METTL15: variants seen among roughly 807,000 people sequenced by gnomAD.
The protein encoded by METTL15 is 12S rRNA N(4)-cytidine methyltransferase METTL15.
Under a neutral mutation model 38.3 loss-of-function variants are expected in METTL15, and 34 were observed. The ratio of observed to expected loss-of-function variants is 0.89; its 90% confidence interval spans 0.68 to 1.18. METTL15 has a LOEUF of 1.18. Ranked by LOEUF, METTL15 falls within the 50% of genes most tolerant of loss-of-function variation. The probability of loss-of-function intolerance (pLI) is 0.00; values close to 1 mark genes in which losing one functional copy is unlikely to be tolerated. For synonymous variants in METTL15, 162 were observed against 170.9 expected (o/e 0.95, Z 0.41); for missense variants, 438 against 498.4 (o/e 0.88, Z 1.15).
Position 28,522,266 on chromosome 11 carries a change from G to A in METTL15, c.*425-4212G>A, listed in dbSNP as rs539191581. Among the ~76,000 whole-genome samples, 7 of 152,294 alleles carry A rather than the reference G, an allele frequency of 4.6e-5. No individual in the cohort carries two copies. In the South Asian group the frequency reaches 1.4e-3, roughly 32 times the overall value. On this transcript the variant is annotated intron_variant and NMD_transcript_variant, in intron 6 of 7. Coordinates refer to the METTL15 transcript ENST00000532947. Reference sequence around the variant, plus strand: ...ATAATCCAGAAAAACTGAACCGGTGGGATGTATGTATACAGTATATAGAAA... The same window carrying A: ...ATAATCCAGAAAAACTGAACCGGTGAGATGTATGTATACAGTATATAGAAA...
chr11:28,401,548 T>C (rs917384786), intron 5 of METTL15, among the ~76,000 whole-genome samples: 1 of 151,962 alleles, frequency 6.6e-6, no homozygotes, highest in Non-Finnish European at 1.5e-5. Flanking sequence ...ACTTTTTTAA[T>C]CCTTCTTCTT....
chr11:28,495,398 T>C (rs1010132967), intron 6 of METTL15, among the ~76,000 whole-genome samples: 9 of 152,120 alleles, frequency 5.9e-5, no homozygotes, highest in African/African-American at 2.2e-4. Flanking sequence ...CAGACTAGAT[T>C]TGATCTTCAA....
chr11:28,133,329 G>A (rs987355448), intron 3 of METTL15, among the ~76,000 whole-genome samples: 1 of 152,144 alleles, frequency 6.6e-6, no homozygotes, highest in East Asian at 1.9e-4. Flanking sequence ...GCTATGACTC[G>A]TGTTAAAAAC....
At chr11:28,262,298 T>G (rs1855236346) in intron 4 of METTL15, among the ~76,000 whole-genome samples, 1 of 151,304 alleles carries the variant, frequency 6.6e-6, no homozygotes. Context: ...TATATGTATA[T>G]ATACATATAT....
intron 5 of METTL15, among the ~76,000 whole-genome samples, chr11:28,407,054 A>G (rs908032671): frequency 2.0e-5 from 3 of 152,158 alleles, no homozygotes; most frequent in African/African-American, 7.2e-5. Flanking sequence ...CGTGGTCGAT[A>G]AGCTTTTGAT....
At chr11:28,247,934 C>T (rs1352877008) in intron 4 of METTL15, among the ~76,000 whole-genome samples, 1 of 152,008 alleles carries the variant, frequency 6.6e-6, no homozygotes, top group African/African-American at 2.4e-5. Context: ...CAAAATAGGG[C>T]AGCTATAATA....
intron 4 of METTL15, among the ~76,000 whole-genome samples, chr11:28,227,013 C>T (rs867352423): frequency 4.6e-5 from 7 of 151,840 alleles, no homozygotes; most frequent in Non-Finnish European, 8.8e-5. Flanking sequence ...AAAAACATTA[C>T]GAAAATAGGA....
At chr11:28,444,536 G>A (rs7941325) in intron 6 of METTL15, among the ~76,000 whole-genome samples, 45,854 of 152,008 alleles carry the variant, frequency 0.3, 7,347 homozygotes, top group African/African-American at 0.38. Flanking sequence ...ATGCCATGTA[G>A]TAAATTTGCT....
chr11:28,267,716 C>T (rs2133951154), intron 4 of METTL15, among the ~76,000 whole-genome samples: 1 of 152,228 alleles, frequency 6.6e-6, no homozygotes, highest in Non-Finnish European at 1.5e-5. Flanking sequence ...ATATGACTCA[C>T]AGAGGTTACC....
intron 4 of METTL15, among the ~76,000 whole-genome samples, chr11:28,269,738 C>T (rs1324263763): frequency 6.6e-6 from 1 of 152,174 alleles, no homozygotes; most frequent in Non-Finnish European, 1.5e-5. Flanking sequence ...AGGATTTTCT[C>T]CTGCTTAGCT....
intron 6 of METTL15, among the ~76,000 whole-genome samples, chr11:28,425,273 C>T (rs1423837092): frequency 6.6e-6 from 1 of 152,202 alleles, no homozygotes; most frequent in African/African-American, 2.4e-5. Flanking sequence ...AGTAATGTTT[C>T]CAAAATATGC....
intron 3 of METTL15, among the ~76,000 whole-genome samples, chr11:28,138,319 T>A (rs1286925221): frequency 6.6e-6 from 1 of 152,212 alleles, no homozygotes; most frequent in Admixed American, 6.5e-5. Flanking sequence ...AAAGGCCTTT[T>A]AAATATACCT....
At chr11:28,117,355 G>T (rs1852021015) in intron 3 of METTL15, among the ~76,000 whole-genome samples, 1 of 149,166 alleles carries the variant, frequency 6.7e-6, no homozygotes, top group Admixed American at 6.7e-5. Context: ...GCTTGAACTT[G>T]ACTTCTGAAA....
intron 4 of METTL15, among the ~76,000 whole-genome samples, chr11:28,283,837 G>C (rs1330210177): frequency 6.6e-6 from 1 of 152,134 alleles, no homozygotes; most frequent in African/African-American, 2.4e-5. Context: ...GAGAACACAG[G>C]ATGTTACTTT....
In METTL15 at chr11:28,241,529, G is replaced by A. The variant is rs1211784867; in HGVS notation, c.407+30331G>A. On this transcript the variant is annotated intron_variant, in intron 4 of 6. Coordinates refer to ENST00000407364, the MANE Select transcript of METTL15 (RefSeq NM_001113528.2). Reference sequence around the variant, plus strand: ...AGCCTGGGCGACAGAGGGAGACCCCGTCTCAAAAAAAGAAAAAAAAAAAAA... The same window carrying A: ...AGCCTGGGCGACAGAGGGAGACCCCATCTCAAAAAAAGAAAAAAAAAAAAA... Among the ~76,000 whole-genome samples, 5 of 148,708 alleles carry A rather than the reference G, an allele frequency of 3.4e-5. No homozygotes were observed. The South Asian group carries it at 6.4e-4, about 19-fold the overall frequency.
chr11:28,341,581 A>G (rs1205101797), intron 3 of METTL15, among the ~76,000 whole-genome samples: 2 of 152,184 alleles, frequency 1.3e-5, no homozygotes, highest in African/African-American at 4.8e-5. Flanking sequence ...CTTCTGAAAA[A>G]TGAGGATGTT....
intron 6 of METTL15, among the ~76,000 whole-genome samples, chr11:28,300,915 C>T (rs1856890717): frequency 5.3e-5 from 8 of 152,090 alleles, no homozygotes; most frequent in Admixed American, 5.2e-4. Flanking sequence ...TCTTCATCAC[C>T]TCTAATAAAT....
At chr11:28,398,054 C>T (rs776614870) in intron 5 of METTL15, among the ~76,000 whole-genome samples, 2 of 151,118 alleles carry the variant, frequency 1.3e-5, no homozygotes, top group Non-Finnish European at 2.9e-5. Context: ...ACACTTGGAC[C>T]AGGAAGGGGA....
intron 6 of METTL15, among the ~76,000 whole-genome samples, chr11:28,440,313 T>G (rs973020862): frequency 6.6e-6 from 1 of 152,178 alleles, no homozygotes; most frequent in African/African-American, 2.4e-5. Context: ...TTGAATATTA[T>G]TTAATAATAT....
Sources: gnomAD v4.1 joint callset for allele counts (sites outside exome capture counted in the v4.1 genomes callset) on GRCh38, gnomAD v4.1.1 for gene constraint, MANE v1.5 for transcripts, NCBI Gene and HGNC (gene_info 2026-07-23, HGNC 2026-07-21) for gene names.